The following MAD2L2 variants were observed in gnomAD, a reference collection of about 807,000 sequenced individuals.
The protein encoded by MAD2L2 is mitotic spindle assembly checkpoint protein MAD2B.
A neutral mutation model predicts 30.5 loss-of-function variants in MAD2L2; 17 were observed. The ratio of observed to expected loss-of-function variants is 0.56; its 90% CI spans 0.38 to 0.84. MAD2L2 has a LOEUF of 0.84. MAD2L2 is among the 40% of genes least tolerant of loss of function. The pLI is 0.00. For synonymous variants in MAD2L2, 101 were observed against 113.9 expected, an observed-to-expected ratio of 0.89 and a Z score of 0.72; for missense variants, 213 against 277.4, an observed-to-expected ratio of 0.77 and a Z score of 1.65.
upstream of MAD2L2, among the ~76,000 whole-genome samples, chr1:11,685,541 G>A (rs368605788): frequency 1.6e-4 from 24 of 152,236 alleles, no homozygotes; most frequent in South Asian, 4.1e-4. Flanking sequence ...AACCAGCTGC[G>A]AGGCCCTTCT....
chr1:11,686,825 A>C (rs561047612), intron 1 of MAD2L2, among the ~76,000 whole-genome samples: 1 of 152,052 alleles, frequency 6.6e-6, no homozygotes, highest in Non-Finnish European at 1.5e-5. Context: ...AAAAAAAAAA[A>C]AAAAAACTTC....
chr1:11,686,807 T>TA (rs560855200), intron 1 of MAD2L2, among the ~76,000 whole-genome samples: 19,789 of 104,136 alleles, frequency 0.19, 2,381 homozygotes, highest in African/African-American at 0.35. Flanking sequence ...ACTGCCACTT[T>TA]AAAAAAAAAA....
At chr1:11,679,078 C>T (rs1450692280) in intron 3 of MAD2L2, among the ~76,000 whole-genome samples, 1 of 152,174 alleles carries the variant, frequency 6.6e-6, no homozygotes, top group Non-Finnish European at 1.5e-5. Flanking sequence ...GCAGGAGAAT[C>T]ACTTGAACCC....
Position 11,687,291 on chromosome 1 carries a change from G to A in MAD2L2, c.-692+4122C>T, listed in dbSNP as rs1203023094. Among the ~76,000 whole-genome samples, 2 of 152,116 alleles carry A rather than the reference G, an allele frequency of 1.3e-5. No homozygotes were observed. Among genetic ancestry groups the A allele is most frequent in the Admixed American group, 6.6e-5 (1 of 15,254 alleles). ...GTCTCTCTCTGCCACCCAGGCTGGA[G>A]GGCGGTGGTGCAATCTCGGCTCAAT... On this transcript the variant is annotated intron_variant, in intron 1 of 10. Coordinates refer to the MAD2L2 transcript ENST00000235310. This position sits in a 1 kb window ranked among gnomAD's most constrained non-coding sequence, Gnocchi z 4.1.
rs1337609223 is a variant in MAD2L2 at position 11,690,433 on chromosome 1, C to A, written c.-692+980G>T. On this transcript the variant is annotated intron_variant, in intron 1 of 10. Transcript: ENST00000235310. The surrounding 1 kb of genome is among the most constrained non-coding windows in gnomAD (Gnocchi z 4.2). Reference sequence around the variant, plus strand: ...GGCCAGACCTTAGAAACGTTATCTCCTTACACAGGGCACTGCATTCACGCC... The same window carrying A: ...GGCCAGACCTTAGAAACGTTATCTCATTACACAGGGCACTGCATTCACGCC... Among the ~76,000 whole-genome samples the A allele has an allele frequency of 6.6e-6, 1 of 152,180 alleles. No individual in the cohort carries two copies. Among genetic ancestry groups the A allele is most frequent in the African/African-American group, 2.4e-5 (1 of 41,444 alleles).
intron 3 of MAD2L2, among the ~76,000 whole-genome samples, chr1:11,679,381 G>A (rs1016364506): frequency 6.6e-6 from 1 of 152,174 alleles, no homozygotes; most frequent in African/African-American, 2.4e-5. Flanking sequence ...ACAGTGCGAT[G>A]CACACTGCTT....
chr1:11,678,446 G>C (rs757342458), intron 3 of MAD2L2, among the ~76,000 whole-genome samples: 1 of 152,142 alleles, frequency 6.6e-6, no homozygotes, highest in Non-Finnish European at 1.5e-5. Context: ...ATCCCAATAT[G>C]AGCATTTAAT....
Position 11,675,733 on chromosome 1 carries a change from T to C in MAD2L2, c.428-2A>G. The C allele has an allele frequency of 2.5e-6, 4 of 1,613,868 alleles. No individual in the cohort carries two copies. Among genetic ancestry groups the C allele is most frequent in the Non-Finnish European group, 3.4e-6 (4 of 1,179,862 alleles). On this transcript the variant is annotated splice_acceptor_variant, in intron 6 of 8. Transcript: ENST00000376692. LOFTEE classifies it high-confidence loss of function. ...GCACCAGGACTGTGAAGGTACAGCC[T>C]GGAGAGGCAAGAGGTTGGTGGAGGC...
At chr1:11,680,689 T>C in intron 1 of MAD2L2, 76 bp from the exon 2 acceptor site, 1 of 1,495,058 alleles carries the variant, frequency 6.7e-7, no homozygotes, top group South Asian at 1.4e-5. Flanking sequence ...CACCGTCTCT[T>C]CCCTCCCCAC....
intron 6 of MAD2L2, 72 bp from the exon 7 acceptor site, chr1:11,675,803 A>C: frequency 7.7e-7 from 1 of 1,304,586 alleles, no homozygotes. Context: ...GCCTCTTCCC[A>C]CTTCCCTTGC....
At chr1:11,676,370 C>CGT (rs1196050261) in intron 5 of MAD2L2, among the ~76,000 whole-genome samples, 1 of 152,060 alleles carries the variant, frequency 6.6e-6, no homozygotes, top group Non-Finnish European at 1.5e-5. Context: ...GGGTAGGGGA[C>CGT]AGGGGAGGTA....
Position 11,674,881 on chromosome 1 carries a change from A to G in MAD2L2, c.595-65T>C, listed in dbSNP as rs1394792186. The G allele has an allele frequency of 1.0e-5, 16 of 1,580,558 alleles. No homozygotes were observed. The highest frequency in any genetic ancestry group is 2.7e-5 in the African/African-American group (2 of 74,294). ...CCAGGGCATCCCTGCTGGAGGACAC[A>G]GAAGCCCCTGGTGGGCAGACCTCCA... On this transcript the variant is annotated intron_variant, in intron 8 of 8. Transcript: ENST00000376692. The surrounding 1 kb of genome is among the most constrained non-coding windows in gnomAD (Gnocchi z 6.1).
Position 11,690,902 on chromosome 1 carries a change from G to A in MAD2L2, c.-692+511C>T, listed in dbSNP as rs962541953. ...GAAGCTTCAGGCCGGCTTTGGACGGGGCGTGGCGAGAGCCGCGCCGCGTGT... is the reference window on the plus strand; with the variant it reads ...GAAGCTTCAGGCCGGCTTTGGACGGAGCGTGGCGAGAGCCGCGCCGCGTGT... On this transcript the variant is annotated intron_variant, in intron 1 of 10. Transcript: ENST00000235310. This position sits in a 1 kb window ranked among gnomAD's most constrained non-coding sequence, Gnocchi z 4.2. 1.3e-5 allele frequency among the ~76,000 whole-genome samples: 2 copies of A among 152,084 alleles called. No individual in the cohort carries two copies. Among genetic ancestry groups the A allele is most frequent in the African/African-American group, 4.8e-5 (2 of 41,434 alleles).
Position 11,690,276 on chromosome 1 carries a change from T to C in MAD2L2, c.-692+1137A>G, listed in dbSNP as rs1557683630. 1.3e-5 allele frequency among the ~76,000 whole-genome samples: 2 copies of C among 152,302 alleles called. No individual in the cohort carries two copies. Among genetic ancestry groups the C allele is most frequent in the Middle Eastern group, 6.8e-3 (2 of 294 alleles). ...GCACATAGTAGGTGTTCAATAGGTA[T>C]TTATGGGATGGATGACTCAAACCTT... On this transcript the variant is annotated intron_variant, in intron 1 of 10. Coordinates refer to the MAD2L2 transcript ENST00000235310. This position sits in a 1 kb window ranked among gnomAD's most constrained non-coding sequence, Gnocchi z 4.2.
chr1:11,682,570 C>G (rs1640895762), upstream of MAD2L2, among the ~76,000 whole-genome samples: 1 of 151,526 alleles, frequency 6.6e-6, no homozygotes, highest in African/African-American at 2.4e-5. Flanking sequence ...AAATGCAGTC[C>G]TAGGAAATCT....
intron 1 of MAD2L2, 25 bp from the exon 2 acceptor site, chr1:11,680,638 G>A (rs554466066): frequency 2.6e-6 from 4 of 1,525,270 alleles, no homozygotes; most frequent in South Asian, 1.3e-5. Flanking sequence ...AAGGGCAGAG[G>A]GTAGTTCCAG....
chr1:11,677,621 A>G lies in MAD2L2; in HGVS notation c.160-7T>C. Reference sequence around the variant, plus strand: ...GCTCCGGGTGGCAGGACATCTGCACACAATACCATGCGGCTCGTGAGGCCC... The same window carrying G: ...GCTCCGGGTGGCAGGACATCTGCACGCAATACCATGCGGCTCGTGAGGCCC... On this transcript the variant is annotated splice_region_variant and splice_polypyrimidine_tract_variant and intron_variant, in intron 3 of 8. Transcript: ENST00000376692. 2.5e-6 allele frequency: 4 copies of G among 1,611,880 alleles called. No individual in the cohort carries two copies. Among genetic ancestry groups the G allele is most frequent in the Middle Eastern group, 1.7e-4 (1 of 5,940 alleles).
chr1:11,674,955 TG>T lies in MAD2L2; in HGVS notation c.594+126del. 1 of 1,277,764 alleles carries T rather than the reference TG, an allele frequency of 7.8e-7. No homozygotes were observed. Among genetic ancestry groups the T allele is most frequent in the Non-Finnish European group, 1.1e-6 (1 of 893,994 alleles). The allele number at this position is 1,277,764 out of a possible 1,614,324, so 79.2% of individuals were successfully genotyped here. A position where few individuals can be genotyped will look rare whatever the true frequency, so the allele number is the denominator to read the frequency against. On this transcript the variant is annotated intron_variant, in intron 8 of 8. Transcript: ENST00000376692. The surrounding 1 kb of genome is among the most constrained non-coding windows in gnomAD (Gnocchi z 6.1). Reference sequence around the variant, plus strand: ...TAGCCATGGTGGAGAAGAGTAGAGATGGGAGGAGCCCTCCACCAGGCACTCC... The same window carrying T: ...TAGCCATGGTGGAGAAGAGTAGAGATGGAGGAGCCCTCCACCAGGCACTCC...
At chr1:11,679,507 A>G (rs1412390484) in intron 3 of MAD2L2, among the ~76,000 whole-genome samples, 3 of 152,098 alleles carry the variant, frequency 2.0e-5, no homozygotes, top group Admixed American at 2.0e-4. Flanking sequence ...GAGCTCCTTC[A>G]AAGTGCCACC....
Sources: allele counts gnomAD v4.1 joint callset (sites outside exome capture counted in the v4.1 genomes callset), GRCh38; gene constraint gnomAD v4.1.1; non-coding constraint Gnocchi (gnomAD v3.1); transcripts MANE v1.5; gene names NCBI Gene and HGNC (gene_info 2026-07-23, HGNC 2026-07-21).